DAAM1: variants seen among roughly 807,000 people sequenced by gnomAD.
DAAM1 encodes the protein disheveled-associated activator of morphogenesis 1.
A neutral mutation model predicts 130.0 loss-of-function variants in DAAM1; 52 were observed. That is an observed-to-expected ratio of 0.40 (90% CI 0.32 to 0.50). DAAM1 has a LOEUF of 0.50. Among genes scored for constraint, DAAM1 ranks in the 20% least tolerant of loss-of-function variants. The pLI is 0.61. For missense variants in DAAM1, 1,134 were observed against 1,303.8 expected, an observed-to-expected ratio of 0.87 and a Z score of 2.01; for synonymous variants, 452 against 444.5, an observed-to-expected ratio of 1.02 and a Z score of -0.21.
At chr14:59,280,001 G>A (rs939121396) in intron 2 of DAAM1, among the ~76,000 whole-genome samples, 1 of 152,142 alleles carries the variant, frequency 6.6e-6, no homozygotes, top group African/African-American at 2.4e-5. Context: ...AGCACCAGTT[G>A]TCATTAGGAA....
chr14:59,343,872 A>T (rs527787661), intron 16 of DAAM1, among the ~76,000 whole-genome samples: 1 of 152,336 alleles, frequency 6.6e-6, no homozygotes, highest in African/African-American at 2.4e-5. Flanking sequence ...GGGGAGCTCC[A>T]GGGCACCAGG....
intron 2 of DAAM1, among the ~76,000 whole-genome samples, chr14:59,268,122 C>G (rs751185560): frequency 2.6e-5 from 4 of 151,988 alleles, no homozygotes; most frequent in Non-Finnish European, 4.4e-5. Context: ...AGGCTGGTCT[C>G]GAACTCCTGA....
At position 59,347,539 on chromosome 14, in the gene DAAM1, G is replaced by T; in HGVS notation, c.2076G>T (p.Arg692Ser). 6.2e-7 allele frequency: 1 copy of T among 1,613,212 alleles called. No individual in the cohort carries two copies. The highest frequency in any genetic ancestry group is 1.3e-5 in the African/African-American group (1 of 74,992). ...RAQNCNILLSRLKLSNDEIKR... is the reference protein window; with the variant it reads ...RAQNCNILLSSLKLSNDEIKR... ...TAATAACAAAATATTCTTTCTCCAGGTTGAAATTATCCAATGACGAAATCA... is the reference window on the plus strand; with the variant it reads ...TAATAACAAAATATTCTTTCTCCAGTTTGAAATTATCCAATGACGAAATCA... Residue 692 changes from arginine (R) to serine (S), a missense_variant and splice_region_variant, in exon 17 of 25, where the codon AGG becomes AGT. Coordinates refer to ENST00000360909, the MANE Select transcript of DAAM1 (RefSeq NM_001270520.2).
At chr14:59,204,806 T>C (rs143282153) in intron 1 of DAAM1, among the ~76,000 whole-genome samples, 1,665 of 152,152 alleles carry the variant, frequency 0.011, 26 homozygotes, top group African/African-American at 0.038. Flanking sequence ...CCGAGGCAGG[T>C]GGGTCACTTG....
At chr14:59,326,780 C>T (rs1885219524) in intron 11 of DAAM1, 132 bp downstream of exon 11, 2 of 1,494,756 alleles carry the variant, frequency 1.3e-6, no homozygotes, top group Non-Finnish European at 1.8e-6. Flanking sequence ...TGTACACATG[C>T]ACTATAGCTA....
At chr14:59,271,368 A>T (rs1158611740) in intron 2 of DAAM1, among the ~76,000 whole-genome samples, 1 of 152,220 alleles carries the variant, frequency 6.6e-6, no homozygotes, top group Non-Finnish European at 1.5e-5. Context: ...GATTTATACC[A>T]TCAAAATATA....
At chr14:59,294,610 T>C (rs1665098285) in intron 3 of DAAM1, among the ~76,000 whole-genome samples, 1 of 152,148 alleles carries the variant, frequency 6.6e-6, no homozygotes, top group Admixed American at 6.6e-5. Flanking sequence ...AGGGTTCTGT[T>C]AGTTGTGATG....
At chr14:59,206,222 C>G (rs1237519284) in intron 1 of DAAM1, among the ~76,000 whole-genome samples, 2 of 152,168 alleles carry the variant, frequency 1.3e-5, no homozygotes, top group Non-Finnish European at 1.5e-5. Context: ...TCTCTTGATA[C>G]ATGTAAGATT....
chr14:59,287,638 C>T (rs1041749844), intron 2 of DAAM1, among the ~76,000 whole-genome samples: 1 of 152,108 alleles, frequency 6.6e-6, no homozygotes, highest in Non-Finnish European at 1.5e-5. Context: ...CAATAACATT[C>T]AAGTTCAGAC....
At chr14:59,284,888 AG>A (rs1883374669) in intron 2 of DAAM1, among the ~76,000 whole-genome samples, 1 of 152,170 alleles carries the variant, frequency 6.6e-6, no homozygotes, top group Non-Finnish European at 1.5e-5. Context: ...AATATATTTG[AG>A]GATGTAGTCA....
At position 59,288,250 on chromosome 14, in the gene DAAM1, T is replaced by C. The variant is rs142878630; in HGVS notation, c.184-2967T>C. ...AAGATTGAAATTGGACCCCTTTCTTTCACATAAGCAAAAATTAACTCAAGA... is the reference window on the plus strand; with the variant it reads ...AAGATTGAAATTGGACCCCTTTCTTCCACATAAGCAAAAATTAACTCAAGA... On this transcript the variant is annotated intron_variant, in intron 2 of 24. Coordinates refer to ENST00000360909, the MANE Select transcript of DAAM1 (RefSeq NM_001270520.2). Among the ~76,000 whole-genome samples the C allele has an allele frequency of 1.4e-4, 22 of 152,270 alleles. No individual in the cohort carries two copies. In the East Asian group the frequency reaches 3.9e-3, roughly 27 times the overall value.
chr14:59,272,577 A>C (rs972072986), intron 2 of DAAM1, among the ~76,000 whole-genome samples: 2 of 149,414 alleles, frequency 1.3e-5, no homozygotes, highest in Non-Finnish European at 1.5e-5. Flanking sequence ...ACTGTCTCAA[A>C]AAACAAACAA....
intron 16 of DAAM1, among the ~76,000 whole-genome samples, chr14:59,342,415 A>C (rs1196288370): frequency 6.6e-6 from 1 of 152,228 alleles, no homozygotes; most frequent in Non-Finnish European, 1.5e-5. Context: ...TACAAGTGAA[A>C]AAATTAGGCA....
chr14:59,246,117 G>A (rs1173244928), intron 1 of DAAM1, among the ~76,000 whole-genome samples: 1 of 152,132 alleles, frequency 6.6e-6, no homozygotes, highest in Non-Finnish European at 1.5e-5. Flanking sequence ...ATTTTTCTGT[G>A]TACAGTTCAA....
chr14:59,226,146 A>C (rs1175906124), intron 1 of DAAM1, among the ~76,000 whole-genome samples: 2 of 152,000 alleles, frequency 1.3e-5, no homozygotes, highest in Non-Finnish European at 2.9e-5. Context: ...TTTTCACTGG[A>C]ATGCATTTGG....
intron 1 of DAAM1, among the ~76,000 whole-genome samples, chr14:59,203,292 A>G (rs1566647250): frequency 2.6e-5 from 4 of 151,486 alleles, no homozygotes; most frequent in African/African-American, 4.8e-5. Flanking sequence ...ACAGGCGTGA[A>G]TAGCTTTCTT....
In DAAM1 at chr14:59,197,715, G is replaced by A. The variant is rs10133210; in HGVS notation, c.-38+8947G>A. ...TTAACCCAATTTCTTTTCAGGCTGT[G>A]TCTGAAGTTACGTTTCTTCCATACC... On this transcript the variant is annotated intron_variant, in intron 1 of 24. Transcript: ENST00000360909. 4.6e-3 allele frequency among the ~76,000 whole-genome samples: 701 copies of A among 152,286 alleles called. 6 individuals carry two copies. Among genetic ancestry groups the A allele is most frequent in the African/African-American group, 0.016 (662 of 41,548 alleles).
chr14:59,358,622 C>T (rs1358323855), intron 20 of DAAM1, among the ~76,000 whole-genome samples: 1 of 152,134 alleles, frequency 6.6e-6, no homozygotes, highest in African/African-American at 2.4e-5. Context: ...GCGGGTGGAT[C>T]ACCTGAGGTC....
At chr14:59,215,544 G>T (rs1448397759) in intron 1 of DAAM1, among the ~76,000 whole-genome samples, 2 of 152,198 alleles carry the variant, frequency 1.3e-5, no homozygotes, top group Non-Finnish European at 2.9e-5. Flanking sequence ...GCCGCTGCAG[G>T]CTTGTTAAAG....
Sources: gnomAD v4.1 joint callset for allele counts (sites outside exome capture counted in the v4.1 genomes callset) on GRCh38, gnomAD v4.1.1 for gene constraint, MANE v1.5 for transcripts, NCBI Gene and HGNC (gene_info 2026-07-23, HGNC 2026-07-21) for gene names.